The following ZNF385D variants were observed in gnomAD, a reference collection of about 807,000 sequenced individuals.
The protein encoded by ZNF385D is zinc finger protein 659.
A neutral mutation model predicts 35.8 loss-of-function variants in ZNF385D; 15 were observed. The observed-to-expected ratio is 0.42, with a 90% confidence interval of 0.28 to 0.64. ZNF385D has a LOEUF of 0.64. Among genes scored for constraint, ZNF385D ranks in the 30% least tolerant of loss-of-function variants. ZNF385D has a pLI of 0.23. For missense variants in ZNF385D, 474 were observed against 494.6 expected (o/e 0.96, Z 0.39); for synonymous variants, 212 against 186.8 (o/e 1.13, Z -1.10).
At chr3:21,823,581 T>A (rs897067342) in intron 3 of ZNF385D, among the ~76,000 whole-genome samples, 10 of 152,216 alleles carry the variant, frequency 6.6e-5, no homozygotes, top group Admixed American at 2.0e-4. Flanking sequence ...CGTTGCTATG[T>A]TCAGATGAAT....
chr3:22,161,155 C>G (rs1705923719), intron 3 of ZNF385D, among the ~76,000 whole-genome samples: 1 of 151,904 alleles, frequency 6.6e-6, no homozygotes, highest in Non-Finnish European at 1.5e-5. Flanking sequence ...AATCTTAATG[C>G]TTACCTAGAA....
rs567467961 is a variant in ZNF385D at position 22,146,124 on chromosome 3, T to C, written c.325+22693A>G. The stretch of plus-strand genomic sequence containing the variant: ...AAAGGTACAAGTACTTCAGGAGTCA[T>C]GCAAACATTCGAAGAAAGGATTAAT... On this transcript the variant is annotated intron_variant, in intron 3 of 5. Transcript: ENST00000494108. 2.1e-4 allele frequency among the ~76,000 whole-genome samples: 32 copies of C among 152,200 alleles called. 1 individual carries two copies. Among genetic ancestry groups the C allele is most frequent in the African/African-American group, 7.7e-4 (32 of 41,540 alleles).
At chr3:21,512,585 A>T (rs886626278) in intron 3 of ZNF385D, among the ~76,000 whole-genome samples, 10 of 152,236 alleles carry the variant, frequency 6.6e-5, no homozygotes, top group African/African-American at 2.4e-4. Context: ...CAAGAAAATT[A>T]TATATTAGAA....
intron 3 of ZNF385D, among the ~76,000 whole-genome samples, chr3:21,860,532 C>T (rs1239110587): frequency 6.6e-6 from 1 of 152,062 alleles, no homozygotes; most frequent in African/African-American, 2.4e-5. Context: ...CAGATATCCC[C>T]ACATCAACAT....
chr3:21,950,859 T>C (rs678138), intron 3 of ZNF385D, among the ~76,000 whole-genome samples: 39,585 of 151,260 alleles, frequency 0.26, 6,184 homozygotes, highest in Admixed American at 0.41. Context: ...TGGTTGTAGA[T>C]TTGTGGCATT....
rs149404147 is a variant in ZNF385D, at chr3:21,540,448, C to T, written c.276+24126G>A. Among the ~76,000 whole-genome samples, 3 of 152,256 alleles carry T rather than the reference C, an allele frequency of 2.0e-5. No homozygotes were observed. In the East Asian group the frequency reaches 5.8e-4, roughly 29 times the overall value. On this transcript the variant is annotated intron_variant, in intron 3 of 7. Coordinates refer to ENST00000281523, the MANE Select transcript of ZNF385D (RefSeq NM_024697.3). The stretch of plus-strand genomic sequence containing the variant: ...TGCACTGATGAGCTGATCAACGGAA[C>T]AGAACTTCTACCCAGCTGTAATCAA...
intron 3 of ZNF385D, among the ~76,000 whole-genome samples, chr3:21,845,257 T>C (rs73044706): frequency 0.07 from 10,627 of 151,992 alleles, 549 homozygotes; most frequent in East Asian, 0.2. Context: ...AAAAACAGTA[T>C]TGAGATTTAA....
chr3:22,329,856 CT>C (rs1461084734), intron 2 of ZNF385D, among the ~76,000 whole-genome samples: 2 of 152,140 alleles, frequency 1.3e-5, no homozygotes, highest in Admixed American at 6.5e-5. Flanking sequence ...ATTGAGATAG[CT>C]TTTTTTGAAT....
chr3:22,180,705 T>C (rs367717267), intron 2 of ZNF385D, among the ~76,000 whole-genome samples: 2 of 152,270 alleles, frequency 1.3e-5, no homozygotes, highest in East Asian at 1.9e-4. Context: ...TCTCAATAGA[T>C]GCAGAAAAGG....
chr3:21,628,216 C>T (rs749718970), intron 2 of ZNF385D, among the ~76,000 whole-genome samples: 2 of 152,094 alleles, frequency 1.3e-5, no homozygotes, highest in Non-Finnish European at 2.9e-5. Flanking sequence ...AAAAAGTCTT[C>T]ACTCTGACAC....
chr3:22,183,745 C>G (rs915897360), intron 2 of ZNF385D, among the ~76,000 whole-genome samples: 1 of 151,740 alleles, frequency 6.6e-6, no homozygotes, highest in Non-Finnish European at 1.5e-5. Flanking sequence ...TATAATTGCC[C>G]TTTTGAATGT....
chr3:21,962,888 C>G (rs754497721), intron 3 of ZNF385D, among the ~76,000 whole-genome samples: 6 of 152,152 alleles, frequency 3.9e-5, no homozygotes, highest in Non-Finnish European at 7.3e-5. Flanking sequence ...ATCTTGGAGT[C>G]ACCATTACTC....
chr3:21,894,167 TTTA>T (rs1280906257), intron 3 of ZNF385D, among the ~76,000 whole-genome samples: 14 of 152,184 alleles, frequency 9.2e-5, no homozygotes, highest in African/African-American at 3.4e-4. Context: ...TAATTTCTGA[TTTA>T]TTTTCCTTTG....
chr3:21,694,094 A>G (rs1192459873), intron 1 of ZNF385D, among the ~76,000 whole-genome samples: 1 of 120,068 alleles, frequency 8.3e-6, no homozygotes, highest in Non-Finnish European at 1.6e-5. Context: ...CCCAGGCCGG[A>G]GTACAGTGGC....
chr3:22,233,869 C>T (rs1699032269), intron 2 of ZNF385D, among the ~76,000 whole-genome samples: 1 of 151,964 alleles, frequency 6.6e-6, no homozygotes, highest in South Asian at 2.1e-4. Context: ...CATTAAAAAC[C>T]CATTTCCTTG....
chr3:21,728,275 AAAGTAT>A (rs1483128062), intron 1 of ZNF385D, among the ~76,000 whole-genome samples: 4 of 100,308 alleles, frequency 4.0e-5, no homozygotes, highest in African/African-American at 1.6e-4. Context: ...CCCAGAACTT[AAAGTAT>A]AATAATAATA....
chr3:22,014,259 T>C (rs75403914), intron 3 of ZNF385D, among the ~76,000 whole-genome samples: 2 of 152,026 alleles, frequency 1.3e-5, no homozygotes, highest in East Asian at 1.9e-4. Context: ...AAGTAAGAAA[T>C]TGCCCAATGG....
At chr3:22,138,582 A>C (rs1216009565) in intron 3 of ZNF385D, among the ~76,000 whole-genome samples, 1 of 151,556 alleles carries the variant, frequency 6.6e-6, no homozygotes, top group African/African-American at 2.4e-5. Flanking sequence ...TTCCTTATTT[A>C]ATAAATGGTG....
intron 2 of ZNF385D, among the ~76,000 whole-genome samples, chr3:21,630,996 G>A (rs933424883): frequency 2.0e-5 from 3 of 152,062 alleles, no homozygotes; most frequent in Non-Finnish European, 4.4e-5. Context: ...TTCGTAAATA[G>A]ATACCAGGGA....
Sources: gnomAD v4.1 joint callset for allele counts (sites outside exome capture counted in the v4.1 genomes callset) on GRCh38, gnomAD v4.1.1 for gene constraint, MANE v1.5 for transcripts, NCBI Gene and HGNC (gene_info 2026-07-23, HGNC 2026-07-21) for gene names.